The following LRP1B variants were observed in gnomAD, a reference collection of about 807,000 sequenced individuals.
LRP1B encodes low-density lipoprotein receptor-related protein 1B.
In LRP1B, 217 loss-of-function variants were observed where a neutral mutation model predicts 556.6. That is an observed-to-expected ratio of 0.39 (90% CI 0.35 to 0.44). The LOEUF is 0.44. LRP1B is among the 20% of genes least tolerant of loss of function. The pLI is 1.00. For missense variants in LRP1B, 5,053 were observed against 5,620.8 expected (o/e 0.90, Z 3.23); for synonymous variants, 2,047 against 1,865.8 (o/e 1.10, Z -2.50).
chr2:140,261,433 C>T (rs1558933314), intron 86 of LRP1B, among the ~76,000 whole-genome samples: 1 of 151,738 alleles, frequency 6.6e-6, no homozygotes, highest in African/African-American at 2.4e-5. Context: ...ATTTCTAATT[C>T]TTAGTGTTAG....
intron 41 of LRP1B, among the ~76,000 whole-genome samples, chr2:140,624,714 T>C (rs1166370567): frequency 6.6e-6 from 1 of 152,204 alleles, no homozygotes; most frequent in African/African-American, 2.4e-5. Flanking sequence ...CAATCAACTC[T>C]ATTTCCATCA....
At chr2:140,502,510 G>A (rs1040354475) in intron 54 of LRP1B, among the ~76,000 whole-genome samples, 2 of 151,860 alleles carry the variant, frequency 1.3e-5, no homozygotes, top group Admixed American at 1.3e-4. Context: ...TTTAGCATTT[G>A]GAATAGAGAA....
intron 66 of LRP1B, among the ~76,000 whole-genome samples, chr2:140,406,244 G>A (rs1684731827): frequency 6.6e-6 from 1 of 152,078 alleles, no homozygotes; most frequent in South Asian, 2.1e-4. Flanking sequence ...CATGTTGAAT[G>A]GGGAAAAGTT....
intron 2 of LRP1B, among the ~76,000 whole-genome samples, chr2:141,598,171 C>T (rs922512359): frequency 6.6e-6 from 1 of 151,884 alleles, no homozygotes; most frequent in East Asian, 1.9e-4. Context: ...TTCTTTTATA[C>T]ATTAAAGGGC....
intron 55 of LRP1B, among the ~76,000 whole-genome samples, chr2:140,497,796 T>C (rs1259223964): frequency 6.6e-6 from 1 of 151,912 alleles, no homozygotes; most frequent in Admixed American, 6.6e-5. Flanking sequence ...GAAGAAGTAC[T>C]ATATGAAATA....
At chr2:140,245,014 C>G (rs781273448) in intron 87 of LRP1B, among the ~76,000 whole-genome samples, 1 of 151,230 alleles carries the variant, frequency 6.6e-6, no homozygotes, top group Non-Finnish European at 1.5e-5. Flanking sequence ...GCAAGTTTCT[C>G]GAAGCATAAA....
intron 18 of LRP1B, among the ~76,000 whole-genome samples, chr2:140,963,148 G>A (rs1696088280): frequency 6.6e-6 from 1 of 151,958 alleles, no homozygotes; most frequent in Non-Finnish European, 1.5e-5. Context: ...TGATAGAAAT[G>A]TTTCCTGGAT....
intron 37 of LRP1B, among the ~76,000 whole-genome samples, chr2:140,713,689 T>C (rs1026871169): frequency 3.9e-5 from 6 of 152,090 alleles, no homozygotes; most frequent in Admixed American, 3.3e-4. Context: ...CCAAGTTGTC[T>C]TCCAGACACA....
At position 140,366,205 on chromosome 2, in the gene LRP1B, T is replaced by C. The variant is rs537337963; in HGVS notation, c.11009-1422A>G. ...ATCCAGAGAAGAACTGATGGTAACC[T>C]GATCTAGAGAAGCCACAGCTGAGAG... is the stretch of plus-strand genomic sequence containing the variant. On this transcript the variant is annotated intron_variant, in intron 71 of 90. Transcript: ENST00000389484. 5.9e-5 allele frequency among the ~76,000 whole-genome samples: 9 copies of C among 151,790 alleles called. No individual in the cohort carries two copies. The South Asian group carries it at 6.2e-4, about 10-fold the overall frequency.
intron 87 of LRP1B, among the ~76,000 whole-genome samples, chr2:140,244,232 TATA>T (rs1158370126): frequency 6.6e-6 from 1 of 151,234 alleles, no homozygotes; most frequent in African/African-American, 2.4e-5. Flanking sequence ...TAATTCCTGG[TATA>T]ATATAACCAG....
chr2:141,334,440 C>T (rs1329530743), intron 3 of LRP1B, among the ~76,000 whole-genome samples: 3 of 152,246 alleles, frequency 2.0e-5, no homozygotes, highest in African/African-American at 7.2e-5. Context: ...TACAGCCATG[C>T]TTCCTGTACA....
chr2:141,574,279 G>T (rs1375823408), intron 2 of LRP1B, among the ~76,000 whole-genome samples: 1 of 152,110 alleles, frequency 6.6e-6, no homozygotes, highest in Non-Finnish European at 1.5e-5. Flanking sequence ...GGGATGCAAG[G>T]CTGGTTCAAC....
chr2:141,045,442 T>G (rs954589018), intron 11 of LRP1B, among the ~76,000 whole-genome samples: 1 of 58,244 alleles, frequency 1.7e-5, no homozygotes, highest in South Asian at 7.7e-4. Flanking sequence ...ATAAATTAAT[T>G]AATTAATTAA....
At chr2:140,265,764 C>T (rs772433031) in intron 86 of LRP1B, among the ~76,000 whole-genome samples, 31 of 152,016 alleles carry the variant, frequency 2.0e-4, no homozygotes, top group Non-Finnish European at 1.9e-4. Context: ...CAATTGAGAT[C>T]CGTGACTAAA....
chr2:141,203,848 A>C (rs957987133), intron 6 of LRP1B, among the ~76,000 whole-genome samples: 1 of 152,176 alleles, frequency 6.6e-6, no homozygotes, highest in Non-Finnish European at 1.5e-5. Flanking sequence ...ACCACAGTGC[A>C]ATCAAATTAG....
intron 5 of LRP1B, among the ~76,000 whole-genome samples, chr2:141,231,993 C>G (rs1271692809): frequency 6.6e-6 from 1 of 152,162 alleles, no homozygotes; most frequent in Admixed American, 6.5e-5. Context: ...AAGATCATTT[C>G]CACAAAAACA....
intron 2 of LRP1B, among the ~76,000 whole-genome samples, chr2:141,724,217 C>T (rs1692945706): frequency 1.3e-5 from 2 of 151,782 alleles, no homozygotes; most frequent in African/African-American, 4.8e-5. Context: ...TAGATATATA[C>T]AAGCAGAAAA....
intron 1 of LRP1B, among the ~76,000 whole-genome samples, chr2:141,997,451 A>T (rs1702530151): frequency 2.4e-4 from 1 of 4,148 alleles, no homozygotes; most frequent in South Asian, 6.6e-3. Context: ...ATATACACAC[A>T]CACACACACA....
chr2:141,464,222 A>G (rs1241222965), intron 3 of LRP1B, among the ~76,000 whole-genome samples: 1 of 152,122 alleles, frequency 6.6e-6, no homozygotes, highest in Admixed American at 6.5e-5. Context: ...TAAAAACGAG[A>G]GAAAAATGTA....
Sources: allele counts gnomAD v4.1 joint callset (sites outside exome capture counted in the v4.1 genomes callset), GRCh38; gene constraint gnomAD v4.1.1; transcripts MANE v1.5; gene names NCBI Gene and HGNC (gene_info 2026-07-23, HGNC 2026-07-21).